HSPA12A: variants seen among roughly 807,000 people sequenced by gnomAD.
HSPA12A encodes heat shock 70 kDa protein 12A.
HSPA12A carries 28 observed loss-of-function variants against 69.2 expected under a neutral mutation model. The observed-to-expected ratio is 0.40, with a 90% confidence interval of 0.30 to 0.55. HSPA12A has a LOEUF of 0.55. Ranked by LOEUF, HSPA12A falls within the 20% of genes least tolerant of loss-of-function variation. The pLI, the probability that HSPA12A is intolerant of heterozygous loss-of-function variation, is 0.38. For missense variants in HSPA12A, 686 were observed against 900.7 expected (o/e 0.76, Z 3.05); for synonymous variants, 345 against 370.5 (o/e 0.93, Z 0.79).
At position 116,683,940 on chromosome 10, in the gene HSPA12A, T is replaced by C; in HGVS notation, c.686A>G (p.Asn229Ser). ...CAAGGCAATGATGAGCTGCTCCGAG[T>C]TCTCGGGGGAGGCCAGGCCTGCCTG... is the stretch of plus-strand genomic sequence containing the variant. ...AYQAGLASPE[N>S]SEQLIIALEP... The change falls in exon 7 of 12, where the codon AAC becomes AGC. Residue 229 changes from asparagine to serine, a missense_variant. By Grantham distance (46) the Asn-to-Ser change is conservative. Transcript: ENST00000369209. 1 of 1,579,114 alleles carries C rather than the reference T, an allele frequency of 6.3e-7. No homozygotes were observed. Among genetic ancestry groups the C allele is most frequent in the Non-Finnish European group, 8.7e-7 (1 of 1,154,512 alleles).
intron 1 of HSPA12A, among the ~76,000 whole-genome samples, chr10:116,736,590 A>G (rs1007273426): frequency 3.9e-5 from 6 of 152,158 alleles, no homozygotes; most frequent in Non-Finnish European, 8.8e-5. Context: ...TAGAAAGGGA[A>G]TGGGAGGAGG....
At chr10:116,676,239 C>A (rs753357593) in intron 11 of HSPA12A, among the ~76,000 whole-genome samples, 160 bp downstream of exon 11, 27 of 152,222 alleles carry the variant, frequency 1.8e-4, no homozygotes, top group Non-Finnish European at 3.2e-4. Flanking sequence ...GTAACCTCTC[C>A]CATACATGCC....
chr10:116,849,725 G>A (rs1190503064), exon 1 of HSPA12A: 1 of 1,521,518 alleles, frequency 6.6e-7, no homozygotes, highest in Non-Finnish European at 8.8e-7. Context: ...ACGTCTACGG[G>A]CACCTGGTAG....
chr10:116,819,227 T>G (rs796881022), intron 2 of HSPA12A, among the ~76,000 whole-genome samples: 12 of 152,322 alleles, frequency 7.9e-5, no homozygotes, highest in African/African-American at 2.9e-4. Context: ...CATCATCCAG[T>G]TGAGAAGCCC....
intron 2 of HSPA12A, among the ~76,000 whole-genome samples, chr10:116,833,888 C>T (rs963207376): frequency 3.9e-5 from 6 of 152,110 alleles, no homozygotes; most frequent in Non-Finnish European, 8.8e-5. Context: ...CTACTCTCTG[C>T]TTTTTACGGA....
At chr10:116,834,518 T>A (rs534524149) in intron 2 of HSPA12A, among the ~76,000 whole-genome samples, 37 of 152,142 alleles carry the variant, frequency 2.4e-4, no homozygotes, top group African/African-American at 8.7e-4. Flanking sequence ...CAAAAATAAG[T>A]CCAGAAGAGC....
intron 2 of HSPA12A, among the ~76,000 whole-genome samples, chr10:116,783,545 C>A (rs1458244238): frequency 1.3e-5 from 2 of 152,186 alleles, no homozygotes; most frequent in African/African-American, 4.8e-5. Flanking sequence ...CAGTCCTGAC[C>A]CACCGTCCCC....
At chr10:116,799,162 T>C (rs1233299078) in intron 2 of HSPA12A, among the ~76,000 whole-genome samples, 1 of 152,110 alleles carries the variant, frequency 6.6e-6, no homozygotes, top group Non-Finnish European at 1.5e-5. Flanking sequence ...TTTGCCCTGA[T>C]CCTCAGGCAA....
At position 116,675,463 on chromosome 10, in the gene HSPA12A, G is replaced by T. The variant is rs975467156; in HGVS notation, c.1391-45C>A. ...GAGAATGTCCTGTCACCAAAAGCCA[G>T]CAAGGAAGGGGGAACTGGGCTGCCT... On this transcript the variant is annotated intron_variant, in intron 11 of 11. Transcript: ENST00000369209. The surrounding 1 kb of genome is among the most constrained non-coding windows in gnomAD (Gnocchi z 5.2). 9 of 1,501,868 alleles carry T rather than the reference G, an allele frequency of 6.0e-6. No homozygotes were observed. The highest frequency in any genetic ancestry group is 6.2e-6 in the Non-Finnish European group (7 of 1,124,028). The allele number at this position is 1,501,868 out of a possible 1,614,324, so 93.0% of individuals were successfully genotyped here.
intron 1 of HSPA12A, among the ~76,000 whole-genome samples, chr10:116,722,436 C>A (rs1300717044): frequency 1.3e-5 from 2 of 152,190 alleles, no homozygotes; most frequent in Non-Finnish European, 2.9e-5. Flanking sequence ...TCTCCACAGA[C>A]CTAGTCTGGG....
chr10:116,818,168 G>A (rs900822880), intron 2 of HSPA12A, among the ~76,000 whole-genome samples: 4 of 152,232 alleles, frequency 2.6e-5, no homozygotes, highest in African/African-American at 4.8e-5. Flanking sequence ...TTGAGAACTT[G>A]GATGGTTCTC....
intron 2 of HSPA12A, among the ~76,000 whole-genome samples, chr10:116,783,474 TGGCTGGAGCACA>T (rs1258607350): frequency 1.3e-5 from 2 of 152,176 alleles, no homozygotes; most frequent in Non-Finnish European, 1.5e-5. Flanking sequence ...TGGGTGGACT[TGGCTGGAGCACA>T]GGCTGCACAC....
At chr10:116,758,235 C>G (rs887194) in intron 2 of HSPA12A, among the ~76,000 whole-genome samples, 13,213 of 152,172 alleles carry the variant, frequency 0.087, 803 homozygotes, top group East Asian at 0.31. Context: ...CCATGTCCTG[C>G]CTTCTGAGAA....
chr10:116,724,354 G>A (rs1554884744), intron 1 of HSPA12A, among the ~76,000 whole-genome samples: 1 of 152,128 alleles, frequency 6.6e-6, no homozygotes, highest in East Asian at 1.9e-4. Flanking sequence ...ATTTATAGGT[G>A]CCTGTGAAAC....
At chr10:116,836,946 G>A (rs1416581373) in intron 1 of HSPA12A, among the ~76,000 whole-genome samples, 5 of 152,136 alleles carry the variant, frequency 3.3e-5, no homozygotes, top group Non-Finnish European at 7.3e-5. Context: ...AAGGGTCTTC[G>A]TTTCTCCTTA....
chr10:116,740,152 G>A (rs1269944173), intron 1 of HSPA12A, among the ~76,000 whole-genome samples: 2 of 152,188 alleles, frequency 1.3e-5, no homozygotes, highest in African/African-American at 4.8e-5. Flanking sequence ...ACAGGTTGGT[G>A]CCCTGGAATC....
At chr10:116,692,099 A>G (rs1849752688) in intron 6 of HSPA12A, among the ~76,000 whole-genome samples, 1 of 152,204 alleles carries the variant, frequency 6.6e-6, no homozygotes, top group Non-Finnish European at 1.5e-5. Flanking sequence ...ATGACCTGGA[A>G]ATGTAGAAAG....
intron 2 of HSPA12A, among the ~76,000 whole-genome samples, chr10:116,755,440 C>T (rs1047033970): frequency 1.3e-5 from 2 of 151,360 alleles, no homozygotes; most frequent in African/African-American, 4.9e-5. Context: ...GGTGGAACTC[C>T]GTCTCTACTA....
intron 2 of HSPA12A, among the ~76,000 whole-genome samples, chr10:116,791,204 C>G (rs1454065551): frequency 6.6e-6 from 1 of 152,226 alleles, no homozygotes; most frequent in Non-Finnish European, 1.5e-5. Context: ...AAGCTATTAA[C>G]ACAAGGATGT....
Sources: allele counts gnomAD v4.1 joint callset (sites outside exome capture counted in the v4.1 genomes callset), GRCh38; gene constraint gnomAD v4.1.1; non-coding constraint Gnocchi (gnomAD v3.1); transcripts MANE v1.5; gene names NCBI Gene and HGNC (gene_info 2026-07-23, HGNC 2026-07-21).